The following GLDN variants were observed in gnomAD, a reference collection of about 807,000 sequenced individuals.
GLDN encodes gliomedin.
Under a neutral mutation model 56.5 loss-of-function variants are expected in GLDN, and 47 were observed. That is an observed-to-expected ratio of 0.83 (90% CI 0.66 to 1.06). GLDN has a LOEUF of 1.06. GLDN is among the 50% of genes least tolerant of loss of function. The probability of loss-of-function intolerance (pLI) is 0.00; values close to 1 mark genes in which losing one functional copy is unlikely to be tolerated. For synonymous variants in GLDN, 332 were observed against 278.8 expected (o/e 1.19, Z -1.90); for missense variants, 782 against 714.3 (o/e 1.09, Z -1.08).
At chr15:51,366,096 G>A (rs4774588) in intron 1 of GLDN, among the ~76,000 whole-genome samples, 38,819 of 152,114 alleles carry the variant, frequency 0.26, 6,122 homozygotes, top group East Asian at 0.55. Context: ...GGGAAGAACT[G>A]TCTCAGGGTC....
chr15:51,362,167 G>A (rs897176411), intron 1 of GLDN, among the ~76,000 whole-genome samples: 2 of 152,144 alleles, frequency 1.3e-5, no homozygotes, highest in African/African-American at 4.8e-5. Flanking sequence ...CTGGAGCAAA[G>A]TGAGTGGGAA....
intron 8 of GLDN, 35 bp downstream of exon 8, chr15:51,400,533 G>A: frequency 1.9e-6 from 3 of 1,598,954 alleles, no homozygotes; most frequent in Non-Finnish European, 2.6e-6. Context: ...ATATCTGTGT[G>A]GTAACTGTAT....
At chr15:51,361,977 A>T (rs80339614) in intron 1 of GLDN, among the ~76,000 whole-genome samples, 1 of 152,260 alleles carries the variant, frequency 6.6e-6, no homozygotes, top group African/African-American at 2.4e-5. Context: ...AGGGAGGGGT[A>T]ATAGGAAGCT....
At chr15:51,397,654 G>T (rs1201534472) in intron 6 of GLDN, 56 bp downstream of exon 6, 2 of 1,465,910 alleles carry the variant, frequency 1.4e-6, no homozygotes, top group African/African-American at 1.4e-5. Flanking sequence ...CCAAACTCTT[G>T]GTCTGCTCCC....
intron 4 of GLDN, among the ~76,000 whole-genome samples, chr15:51,388,321 G>A (rs2037944005): frequency 1.3e-5 from 2 of 151,974 alleles, no homozygotes; most frequent in East Asian, 1.9e-4. Context: ...ATCGACCCAC[G>A]GTGATTATTT....
At chr15:51,344,309 A>G (rs1350577729) in intron 1 of GLDN, among the ~76,000 whole-genome samples, 1 of 151,864 alleles carries the variant, frequency 6.6e-6, no homozygotes, top group Non-Finnish European at 1.5e-5. Context: ...TAGCTGTGTT[A>G]GGCATCACAC....
At chr15:51,409,062 G>T (rs1204016272), downstream of GLDN, among the ~76,000 whole-genome samples, 6 of 106,328 alleles carry the variant, frequency 5.6e-5, no homozygotes, top group East Asian at 1.8e-3. Context: ...AACAACAGGG[G>T]CTGCTATAAA....
intron 1 of GLDN, chr15:51,367,256 A>G (rs1024438129): frequency 1.3e-5 from 2 of 152,350 alleles, no homozygotes; most frequent in Admixed American, 1.3e-4. Flanking sequence ...AGATGTTCCC[A>G]ATGCTAATCA....
At chr15:51,408,856 T>C (rs2038433362), downstream of GLDN, among the ~76,000 whole-genome samples, 1 of 152,078 alleles carries the variant, frequency 6.6e-6, no homozygotes. Context: ...ACAAAGGACA[T>C]GAACTCATCC....
At chr15:51,381,845 C>A (rs1319905874) in intron 2 of GLDN, among the ~76,000 whole-genome samples, 1 of 151,618 alleles carries the variant, frequency 6.6e-6, no homozygotes, top group Non-Finnish European at 1.5e-5. Context: ...CGTCTTGTTG[C>A]ACCTAGTTCT....
rs141149569 is a variant in GLDN at position 51,357,483 on chromosome 15, G to A, written c.363+15436G>A. ...GGAGGAAGACACGAGGCACCTGTCGGCCATTTAAAAGTGACAAGTGCAGCC... is the reference window on the plus strand; with the variant it reads ...GGAGGAAGACACGAGGCACCTGTCGACCATTTAAAAGTGACAAGTGCAGCC... On this transcript the variant is annotated intron_variant, in intron 1 of 9. Coordinates refer to ENST00000335449, the MANE Select transcript of GLDN (RefSeq NM_181789.4). Among the ~76,000 whole-genome samples, 125 of 152,308 alleles carry A rather than the reference G, an allele frequency of 8.2e-4. 1 individual carries two copies. The highest frequency in any genetic ancestry group is 2.9e-3 in the African/African-American group (119 of 41,552).
intron 5 of GLDN, among the ~76,000 whole-genome samples, chr15:51,395,741 G>C (rs2038112721): frequency 6.9e-6 from 1 of 144,114 alleles, no homozygotes; most frequent in African/African-American, 2.6e-5. Flanking sequence ...AATTACCTGA[G>C]ACTGGGTAAT....
intron 4 of GLDN, among the ~76,000 whole-genome samples, chr15:51,388,468 T>C (rs1759911673): frequency 6.6e-6 from 1 of 151,948 alleles, no homozygotes. Flanking sequence ...AAATATCCCT[T>C]CCTGAAATTA....
intron 1 of GLDN, among the ~76,000 whole-genome samples, chr15:51,346,347 G>GA (rs1377766260): frequency 6.6e-6 from 1 of 152,184 alleles, no homozygotes; most frequent in East Asian, 1.9e-4. Flanking sequence ...AAACCAATGG[G>GA]ACAGAGTGGA....
chr15:51,356,216 A>AG (rs2037184045), intron 1 of GLDN, among the ~76,000 whole-genome samples: 1 of 151,728 alleles, frequency 6.6e-6, no homozygotes, highest in African/African-American at 2.4e-5. Flanking sequence ...AAAAAAAAAA[A>AG]AAAAGAATAC....
downstream of GLDN, among the ~76,000 whole-genome samples, chr15:51,411,777 A>G (rs2038467803): frequency 6.6e-6 from 1 of 152,250 alleles, no homozygotes; most frequent in South Asian, 2.1e-4. Flanking sequence ...TTTACACAGT[A>G]AAAACTATTT....
At chr15:51,399,474 G>A (rs1222553731) in intron 6 of GLDN, among the ~76,000 whole-genome samples, 1 of 152,112 alleles carries the variant, frequency 6.6e-6, no homozygotes. Flanking sequence ...TTCACCAAAG[G>A]TCTAAATTCA....
chr15:51,349,350 G>A (rs2037034034), intron 1 of GLDN, among the ~76,000 whole-genome samples: 1 of 152,242 alleles, frequency 6.6e-6, no homozygotes, highest in Admixed American at 6.5e-5. Flanking sequence ...TGTTGTAAAA[G>A]CTGAGGATTT....
At chr15:51,390,591 A>G in intron 4 of GLDN, among the ~76,000 whole-genome samples, 1 of 152,168 alleles carries the variant, frequency 6.6e-6, no homozygotes, top group Admixed American at 6.5e-5. Flanking sequence ...TTTGTGTCTC[A>G]GGACTGGGTT....
Sources: allele counts gnomAD v4.1 joint callset (sites outside exome capture counted in the v4.1 genomes callset), GRCh38; gene constraint gnomAD v4.1.1; transcripts MANE v1.5; gene names NCBI Gene and HGNC (gene_info 2026-07-23, HGNC 2026-07-21).